Variants in CSMD1 observed in about 807,000 individuals in gnomAD.
CSMD1 encodes the protein CUB and sushi domain-containing protein 1.
A neutral mutation model predicts 417.5 loss-of-function variants in CSMD1; 213 were observed. The observed-to-expected ratio is 0.51, with a 90% confidence interval of 0.46 to 0.57. CSMD1 has a LOEUF of 0.57. CSMD1 is among the 20% of genes least tolerant of loss of function. The pLI is 0.00. For synonymous variants in CSMD1, 2,862 were observed against 1,736.8 expected (o/e 1.65, Z -16.11); for missense variants, 6,923 against 4,529.7 (o/e 1.53, Z -15.17).
At chr8:3,253,118 G>A (rs545789065) in intron 26 of CSMD1, among the ~76,000 whole-genome samples, 19 of 152,184 alleles carry the variant, frequency 1.2e-4, no homozygotes, top group African/African-American at 4.6e-4. Flanking sequence ...TAATTGTGAT[G>A]CTAGGGTGTC....
At chr8:4,003,499 T>G (rs1180942670) in intron 4 of CSMD1, among the ~76,000 whole-genome samples, 1 of 152,054 alleles carries the variant, frequency 6.6e-6, no homozygotes, top group Non-Finnish European at 1.5e-5. Context: ...TAAATGGCAA[T>G]TTAAATAAGA....
intron 1 of CSMD1, among the ~76,000 whole-genome samples, chr8:4,847,983 C>T (rs1463670296): frequency 1.3e-5 from 2 of 152,146 alleles, no homozygotes; most frequent in Non-Finnish European, 2.9e-5. Flanking sequence ...ACACACCACC[C>T]TCTCCTTCCA....
intron 23 of CSMD1, among the ~76,000 whole-genome samples, chr8:3,313,276 G>A (rs1001986643): frequency 2.1e-4 from 32 of 152,124 alleles, no homozygotes; most frequent in Admixed American, 9.8e-4. Flanking sequence ...AATGGGATCG[G>A]ATTAAACTAA....
intron 1 of CSMD1, among the ~76,000 whole-genome samples, chr8:4,701,729 T>C (rs1320643941): frequency 6.6e-6 from 1 of 151,836 alleles, no homozygotes; most frequent in Non-Finnish European, 1.5e-5. Context: ...CATTCCTCTT[T>C]TTCTAAACAC....
chr8:4,292,718 T>C (rs1446245453), intron 3 of CSMD1, among the ~76,000 whole-genome samples: 1 of 152,190 alleles, frequency 6.6e-6, no homozygotes, highest in Non-Finnish European at 1.5e-5. Flanking sequence ...TATGTTATAG[T>C]CTTAATATTA....
intron 23 of CSMD1, among the ~76,000 whole-genome samples, chr8:3,317,561 A>C (rs973175388): frequency 1.3e-5 from 2 of 152,206 alleles, no homozygotes; most frequent in Non-Finnish European, 2.9e-5. Context: ...TAGTTAAAAA[A>C]TAAAAAGCCC....
intron 12 of CSMD1, among the ~76,000 whole-genome samples, chr8:3,466,274 G>A (rs1563065993): frequency 6.6e-6 from 1 of 151,940 alleles, no homozygotes; most frequent in Admixed American, 6.6e-5. Context: ...CAGTTACTGG[G>A]CAGCAGAACC....
chr8:4,722,628 G>T (rs1809132158), intron 1 of CSMD1, among the ~76,000 whole-genome samples: 1 of 152,020 alleles, frequency 6.6e-6, no homozygotes, highest in Non-Finnish European at 1.5e-5. Context: ...TAAGTCCACA[G>T]GCAATGTAAT....
At chr8:3,242,778 C>G (rs768873850) in intron 26 of CSMD1, among the ~76,000 whole-genome samples, 11 of 151,054 alleles carry the variant, frequency 7.3e-5, no homozygotes, top group African/African-American at 2.4e-4. Context: ...GGTTTCTTAC[C>G]CTCCAGACAA....
At chr8:4,959,458 G>C (rs1385486521) in intron 1 of CSMD1, among the ~76,000 whole-genome samples, 1 of 152,234 alleles carries the variant, frequency 6.6e-6, no homozygotes, top group Non-Finnish European at 1.5e-5. Flanking sequence ...ACCATGCACA[G>C]AGAGGCAACG....
intron 38 of CSMD1, 37 bp downstream of exon 38, chr8:3,162,122 T>C (rs1025599202): frequency 1.2e-5 from 15 of 1,299,852 alleles, no homozygotes; most frequent in South Asian, 7.5e-5. Flanking sequence ...AAGATGACCA[T>C]GTGTATGTTA....
At position 4,342,674 on chromosome 8, in the gene CSMD1, G is replaced by C. The variant is rs1584928672; in HGVS notation, c.415+77279C>G. On this transcript the variant is annotated intron_variant, in intron 3 of 69. Transcript: ENST00000635120. ...CACATGTGATGCTAAACATGAACTG[G>C]CTGCCCAGCGATAGAGCCAATGATT... Among the ~76,000 whole-genome samples the C allele has an allele frequency of 2.6e-5, 4 of 152,140 alleles. No individual in the cohort carries two copies. In the South Asian group the frequency reaches 8.3e-4, roughly 32 times the overall value.
At chr8:4,451,980 A>G (rs540001559) in intron 2 of CSMD1, among the ~76,000 whole-genome samples, 7 of 149,232 alleles carry the variant, frequency 4.7e-5, no homozygotes, top group African/African-American at 1.5e-4. Flanking sequence ...TTTGATATAC[A>G]TATAGTTTGA....
intron 5 of CSMD1, among the ~76,000 whole-genome samples, chr8:3,965,513 T>G (rs1175634999): frequency 6.6e-6 from 1 of 152,214 alleles, no homozygotes; most frequent in Non-Finnish European, 1.5e-5. Context: ...AAACTATGGT[T>G]CGGCTGAAAC....
At chr8:3,374,310 A>G (rs1039408389) in intron 18 of CSMD1, among the ~76,000 whole-genome samples, 18 of 152,018 alleles carry the variant, frequency 1.2e-4, no homozygotes, top group African/African-American at 4.4e-4. Flanking sequence ...TTATCCATTC[A>G]TCTATCCCAT....
chr8:3,362,347 G>A (rs190319563), intron 20 of CSMD1, among the ~76,000 whole-genome samples: 1 of 152,216 alleles, frequency 6.6e-6, no homozygotes, highest in East Asian at 1.9e-4. Flanking sequence ...CCACTCAAAT[G>A]ATCTTACCAA....
chr8:3,319,221 A>C (rs562354108), intron 23 of CSMD1, among the ~76,000 whole-genome samples: 33 of 152,344 alleles, frequency 2.2e-4, no homozygotes, highest in African/African-American at 7.5e-4. Flanking sequence ...TAGCTCCAAA[A>C]ACTACTAATT....
intron 7 of CSMD1, chr8:3,704,845 T>C (rs1250198418): frequency 1.3e-5 from 2 of 152,296 alleles, no homozygotes; most frequent in Admixed American, 6.5e-5. Flanking sequence ...CTTGCTGAAC[T>C]CTTGCTGATG....
In CSMD1 at chr8:3,283,997, C is replaced by G. The variant is rs141066687; in HGVS notation, c.4153+147G>C. 5.4e-3 allele frequency: 3,996 copies of G among 741,954 alleles called. 13 individuals carry two copies. Among genetic ancestry groups the G allele is most frequent in the Non-Finnish European group, 7.3e-3 (3,277 of 446,972 alleles). The allele number at this position is 741,954 out of a possible 1,614,324, so 46.0% of individuals were successfully genotyped here. On this transcript the variant is annotated intron_variant, in intron 26 of 69. Coordinates refer to ENST00000635120, the MANE Select transcript of CSMD1 (RefSeq NM_033225.6). ...AGCAATGGGGGAAGAGAACTCTTCT[C>G]TGCAACATGCATTTTCCTAACTTCA...
Sources: gnomAD v4.1 joint callset for allele counts (sites outside exome capture counted in the v4.1 genomes callset) on GRCh38, gnomAD v4.1.1 for gene constraint, MANE v1.5 for transcripts, NCBI Gene and HGNC (gene_info 2026-07-23, HGNC 2026-07-21) for gene names.